The following PLEKHG7 variants were observed in gnomAD, a reference collection of about 807,000 sequenced individuals.
PLEKHG7 encodes the protein pleckstrin homology domain-containing family G member 7.
PLEKHG7 carries 77 observed loss-of-function variants against 85.2 expected under a neutral mutation model. That is an observed-to-expected ratio of 0.90 (90% CI 0.75 to 1.09). PLEKHG7 has a LOEUF of 1.09. Among genes scored for constraint, PLEKHG7 ranks in the 50% least tolerant of loss-of-function variants. PLEKHG7 has a pLI of 0.00. For synonymous variants in PLEKHG7, 301 were observed against 302.4 expected (o/e 1.00, Z 0.05); for missense variants, 777 against 804.3 (o/e 0.97, Z 0.41).
chr12:92,750,559 T>C (rs573121117), intron 10 of PLEKHG7, among the ~76,000 whole-genome samples: 1 of 152,244 alleles, frequency 6.6e-6, no homozygotes, highest in South Asian at 2.1e-4. Context: ...GCAGGGCAAT[T>C]TGGGGCAGTG....
intron 3 of PLEKHG7, among the ~76,000 whole-genome samples, chr12:92,719,818 G>T (rs567609996): frequency 6.6e-6 from 1 of 152,154 alleles, no homozygotes; most frequent in Non-Finnish European, 1.5e-5. Flanking sequence ...ATCTTCAAAC[G>T]TTTCTGCCAA....
rs1275249699 is a variant in PLEKHG7 at position 92,770,715 on chromosome 12, GACT to G, written c.*523_*525del. 2 of 152,254 alleles carry G rather than the reference GACT, an allele frequency of 1.3e-5. No homozygotes were observed. Among genetic ancestry groups the G allele is most frequent in the Non-Finnish European group, 1.5e-5 (1 of 68,068 alleles). The allele number at this position is 152,254 out of a possible 1,614,324, so 9.4% of individuals were successfully genotyped here. A position where few individuals can be genotyped will look rare whatever the true frequency, so the allele number is the denominator to read the frequency against. On this transcript the variant is annotated 3_prime_UTR_variant, in exon 17 of 17. Transcript: ENST00000344636. ...TTTAATATACAAAGCAATAAATAGG[GACT>G]ACATTTAAGTAGCAGTTTTAAAATT... is the stretch of plus-strand genomic sequence containing the variant.
intron 1 of PLEKHG7, among the ~76,000 whole-genome samples, chr12:92,705,827 G>A (rs1454400948): frequency 6.6e-6 from 1 of 152,214 alleles, no homozygotes; most frequent in East Asian, 1.9e-4. Flanking sequence ...AGCTTTTCTT[G>A]AGCATGAGAA....
chr12:92,707,702 A>G, intron 3 of PLEKHG7, 30 bp downstream of exon 3: 1 of 1,613,856 alleles, frequency 6.2e-7, no homozygotes, highest in Non-Finnish European at 8.5e-7. Context: ...CTCCGGTGCT[A>G]TGACATCTGT....
rs562518102 is a variant in PLEKHG7, at chr12:92,705,620, G to A, written c.-161-851G>A. Among the ~76,000 whole-genome samples, 219 of 152,276 alleles carry A rather than the reference G, an allele frequency of 1.4e-3. 1 individual carries two copies. The highest frequency in any genetic ancestry group is 2.1e-4 in the Non-Finnish European group (14 of 68,028). On this transcript the variant is annotated intron_variant, in intron 1 of 16. Coordinates refer to ENST00000344636, the MANE Select transcript of PLEKHG7 (RefSeq NM_001377329.1). ...TGAAGCCACCTCCCATGCCATCTGCGGCCAGGGAAGATGGGTCTCTCGCCT... is the reference window on the plus strand; with the variant it reads ...TGAAGCCACCTCCCATGCCATCTGCAGCCAGGGAAGATGGGTCTCTCGCCT...
chr12:92,756,374 G>A lies in PLEKHG7; in HGVS notation c.1619G>A (p.Gly540Glu), dbSNP rs1179483150. The stretch of plus-strand genomic sequence containing the variant: ...ACCAGCAGACACCTTCTCTATGAAG[G>A]AAAATTAACTCTTGCAGGTAAATAA... Reference protein sequence around the residue: ...SPTSRHLLYEGKLTLAESTRF... With the variant: ...SPTSRHLLYEEKLTLAESTRF... The change falls in exon 13 of 17, where the codon GGA becomes GAA. Residue 540 changes from glycine (G) to glutamate (E), a missense_variant. Gly to Glu is a moderately conservative substitution (Grantham distance 98). This residue lies in a region of PLEKHG7 where 520 missense variants were observed against 544.0 expected (regional missense o/e 0.96). Transcript: ENST00000344636. The A allele has an allele frequency of 6.2e-7, 1 of 1,611,268 alleles. No individual in the cohort carries two copies.
chr12:92,736,419 A>T, intron 5 of PLEKHG7, 63 bp from the exon 6 acceptor site: 1 of 1,002,154 alleles, frequency 1.0e-6, no homozygotes, highest in Non-Finnish European at 1.3e-6. Context: ...TGCCAAGGCT[A>T]CCGAAGTCAT....
intron 3 of PLEKHG7, among the ~76,000 whole-genome samples, chr12:92,710,524 G>T (rs114866728): frequency 6.6e-6 from 1 of 152,134 alleles, no homozygotes; most frequent in African/African-American, 2.4e-5. Flanking sequence ...ACTGCATACA[G>T]GATAGGCAAA....
At chr12:92,716,897 G>A (rs953639490) in intron 3 of PLEKHG7, among the ~76,000 whole-genome samples, 3 of 152,224 alleles carry the variant, frequency 2.0e-5, no homozygotes, top group Admixed American at 6.5e-5. Context: ...GAAGAAGGAA[G>A]ACAGGCAGGT....
Position 92,740,950 on chromosome 12 carries a change from T to A in PLEKHG7, c.1035+2T>A, listed in dbSNP as rs1872338154. 1 of 1,589,616 alleles carries A rather than the reference T, an allele frequency of 6.3e-7. No individual in the cohort carries two copies. Among genetic ancestry groups the A allele is most frequent in the Admixed American group, 1.7e-5 (1 of 59,908 alleles). On this transcript the variant is annotated splice_donor_variant, in intron 8 of 16. Transcript: ENST00000344636. LOFTEE classifies it high-confidence loss of function. Reference sequence around the variant, plus strand: ...GCAAACCTGGAGGAGTTAACTCAGGTGAGCCAAGTAGGAAGATTCATGTTT... The same window carrying A: ...GCAAACCTGGAGGAGTTAACTCAGGAGAGCCAAGTAGGAAGATTCATGTTT...
At chr12:92,727,497 G>A (rs10777446) in intron 3 of PLEKHG7, among the ~76,000 whole-genome samples, 70,003 of 151,972 alleles carry the variant, frequency 0.46, 17,353 homozygotes, top group East Asian at 0.89. Context: ...ACTTATAAGC[G>A]AGAGAATGTG....
chr12:92,737,593 TC>T, intron 7 of PLEKHG7, 72 bp downstream of exon 7: 1 of 1,400,884 alleles, frequency 7.1e-7, no homozygotes, highest in Non-Finnish European at 9.9e-7. Context: ...GTTTTCCTCT[TC>T]TGAAAGAAAT....
At chr12:92,748,638 T>A (rs925755013) in intron 10 of PLEKHG7, among the ~76,000 whole-genome samples, 15 of 152,218 alleles carry the variant, frequency 9.9e-5, no homozygotes, top group African/African-American at 3.6e-4. Context: ...GTTGATTACA[T>A]TGTTCCTTTG....
At chr12:92,712,212 C>T (rs566226141) in intron 3 of PLEKHG7, among the ~76,000 whole-genome samples, 131 of 152,270 alleles carry the variant, frequency 8.6e-4, no homozygotes, top group South Asian at 2.9e-3. Flanking sequence ...TGATATCTTG[C>T]GGAGGCGAAA....
chr12:92,749,853 ATATTTTATTT>A (rs1288444384), intron 10 of PLEKHG7: 10 of 148,554 alleles, frequency 6.7e-5, no homozygotes, highest in South Asian at 2.1e-4. Flanking sequence ...ATTTATTAGG[ATATTTTATTT>A]TATTTTATTT....
At chr12:92,747,904 G>A (rs1315767681) in intron 10 of PLEKHG7, among the ~76,000 whole-genome samples, 2 of 152,148 alleles carry the variant, frequency 1.3e-5, no homozygotes, top group Non-Finnish European at 2.9e-5. Context: ...GAGGGGAGAA[G>A]GGGATGAAGA....
intron 10 of PLEKHG7, among the ~76,000 whole-genome samples, chr12:92,747,835 C>T (rs1402883325): frequency 6.6e-6 from 1 of 152,062 alleles, no homozygotes; most frequent in African/African-American, 2.4e-5. Context: ...TATGTGGGAG[C>T]TAAAAAAGTT....
intron 13 of PLEKHG7, among the ~76,000 whole-genome samples, chr12:92,757,874 A>T (rs1419798289): frequency 6.6e-6 from 1 of 152,178 alleles, no homozygotes; most frequent in African/African-American, 2.4e-5. Context: ...AGGGTGTTGA[A>T]GAAAGCGTTG....
At chr12:92,715,177 T>C (rs1225812664) in intron 3 of PLEKHG7, among the ~76,000 whole-genome samples, 1 of 151,900 alleles carries the variant, frequency 6.6e-6, no homozygotes, top group African/African-American at 2.4e-5. Context: ...GAACTTGGAG[T>C]CCAATGTTCG....
Sources: gnomAD v4.1 joint callset for allele counts (sites outside exome capture counted in the v4.1 genomes callset) on GRCh38, gnomAD v4.1.1 for gene constraint, gnomAD v4.1.1 regional missense constraint, MANE v1.5 for transcripts, NCBI Gene and HGNC (gene_info 2026-07-23, HGNC 2026-07-21) for gene names.